ALOX5: variants seen among roughly 807,000 people sequenced by gnomAD.
The protein encoded by ALOX5 is arachidonate 5-lipoxygenase, also known as polyunsaturated fatty acid 5-lipoxygenase.
Under a neutral mutation model 87.9 loss-of-function variants are expected in ALOX5, and 64 were observed. That is an observed-to-expected ratio of 0.73 (90% CI 0.60 to 0.90). The LOEUF is 0.90. Ranked by LOEUF, ALOX5 falls within the 40% of genes least tolerant of loss-of-function variation. The pLI is 0.00. For missense variants in ALOX5, 822 were observed against 907.5 expected (o/e 0.91, Z 1.21); for synonymous variants, 388 against 355.1 (o/e 1.09, Z -1.04).
Position 45,397,472 on chromosome 10 carries a change from A to G in ALOX5, c.431+1536A>G, listed in dbSNP as rs11239510. ...CAGGATAAAGATGTTCACTTTTGCTACTTCTATTCAACATTGTACTGGAGG... is the reference window on the plus strand; with the variant it reads ...CAGGATAAAGATGTTCACTTTTGCTGCTTCTATTCAACATTGTACTGGAGG... On this transcript the variant is annotated intron_variant, in intron 3 of 13. Coordinates refer to ENST00000374391, the MANE Select transcript of ALOX5 (RefSeq NM_000698.5). Among the ~76,000 whole-genome samples, 733 of 152,360 alleles carry G rather than the reference A, an allele frequency of 4.8e-3. 2 individuals are homozygous for G. The highest frequency in any genetic ancestry group is 0.017 in the African/African-American group (695 of 41,578).
chr10:45,391,105 C>T (rs1363391240), intron 2 of ALOX5, among the ~76,000 whole-genome samples: 1 of 146,082 alleles, frequency 6.8e-6, no homozygotes, highest in East Asian at 2.1e-4. Flanking sequence ...CCACGGTCTC[C>T]CTCTCCCTCT....
In ALOX5 at chr10:45,437,214, G is replaced by A. The variant is rs565786347; in HGVS notation, c.982-3216G>A. ...TTAAAAATACAAAAATTAGCCAGGTGTGGTAACACCTGCCTGTAATCCCAG... is the reference window on the plus strand; with the variant it reads ...TTAAAAATACAAAAATTAGCCAGGTATGGTAACACCTGCCTGTAATCCCAG... On this transcript the variant is annotated intron_variant, in intron 7 of 13. Coordinates refer to ENST00000374391, the MANE Select transcript of ALOX5 (RefSeq NM_000698.5). Among the ~76,000 whole-genome samples, 109 of 152,320 alleles carry A rather than the reference G, an allele frequency of 7.2e-4. 4 individuals are homozygous for A. The South Asian group carries it at 0.022, about 30-fold the overall frequency.
At chr10:45,428,086 C>A (rs752929641) in intron 6 of ALOX5, among the ~76,000 whole-genome samples, 75 of 151,346 alleles carry the variant, frequency 5.0e-4, no homozygotes, top group Admixed American at 1.6e-3. Context: ...CCCCCCTCAA[C>A]CCCTGTAGAG....
At chr10:45,409,497 C>G (rs1840988385) in intron 3 of ALOX5, among the ~76,000 whole-genome samples, 1 of 141,948 alleles carries the variant, frequency 7.0e-6, no homozygotes, top group Non-Finnish European at 1.5e-5. Context: ...CTTAGGATCT[C>G]TCTGTCTGTC....
chr10:45,422,733 T>G (rs1363593671), intron 4 of ALOX5, among the ~76,000 whole-genome samples: 1 of 152,154 alleles, frequency 6.6e-6, no homozygotes, highest in Non-Finnish European at 1.5e-5. Context: ...ATACACCCCA[T>G]GTGCGCAGTA....
intron 9 of ALOX5, 144 bp downstream of exon 9, chr10:45,441,574 C>T: frequency 1.3e-6 from 1 of 759,318 alleles, no homozygotes; most frequent in Non-Finnish European, 2.1e-6. Flanking sequence ...CAGCATCCTC[C>T]TGATGTCTCC....
chr10:45,393,149 A>G (rs558181752), intron 2 of ALOX5, among the ~76,000 whole-genome samples: 1 of 151,940 alleles, frequency 6.6e-6, no homozygotes, highest in Admixed American at 6.5e-5. Context: ...ATACACACAC[A>G]AAAAAAACAA....
intron 3 of ALOX5, among the ~76,000 whole-genome samples, chr10:45,403,302 A>G (rs1840766412): frequency 1.3e-5 from 2 of 152,246 alleles, no homozygotes; most frequent in Admixed American, 6.5e-5. Flanking sequence ...TGCTGCTAAC[A>G]TGGACAAACC....
chr10:45,392,493 C>T (rs1588994552), intron 2 of ALOX5, among the ~76,000 whole-genome samples: 1 of 151,596 alleles, frequency 6.6e-6, no homozygotes, highest in Admixed American at 6.6e-5. Context: ...CTTTGTTAAA[C>T]AGATGCTTGA....
chr10:45,428,060 C>T (rs999356971), intron 6 of ALOX5, among the ~76,000 whole-genome samples: 2 of 151,428 alleles, frequency 1.3e-5, no homozygotes, highest in East Asian at 3.9e-4. Context: ...CGCAGACCTT[C>T]CCTACCTCCT....
chr10:45,402,987 G>A (rs1454563370), intron 3 of ALOX5, among the ~76,000 whole-genome samples: 2 of 152,152 alleles, frequency 1.3e-5, no homozygotes, highest in Non-Finnish European at 2.9e-5. Flanking sequence ...TTCAACAACT[G>A]ACAACACCTG....
intron 3 of ALOX5, among the ~76,000 whole-genome samples, chr10:45,401,912 C>A (rs1476345258): frequency 1.3e-5 from 2 of 151,936 alleles, no homozygotes; most frequent in Non-Finnish European, 2.9e-5. Context: ...CGGTGAAACC[C>A]CGTCTCTACT....
intron 2 of ALOX5, among the ~76,000 whole-genome samples, chr10:45,395,571 G>A (rs536773329): frequency 5.9e-5 from 9 of 151,508 alleles, no homozygotes; most frequent in East Asian, 1.9e-4. Context: ...AAACCTGCAC[G>A]TTGTGCACAT....
At chr10:45,387,859 C>T (rs998006449) in intron 2 of ALOX5, among the ~76,000 whole-genome samples, 15 of 152,224 alleles carry the variant, frequency 9.9e-5, no homozygotes, top group Non-Finnish European at 2.1e-4. Context: ...CTCCAGTCTA[C>T]AGCTCCCAAC....
At chr10:45,412,144 C>G in intron 3 of ALOX5, 47 bp from the exon 4 acceptor site, 1 of 1,612,366 alleles carries the variant, frequency 6.2e-7, no homozygotes, top group Non-Finnish European at 8.5e-7. Flanking sequence ...AGGGGGCAGA[C>G]CAAAGGCTGG....
At chr10:45,404,563 C>T (rs1393432136) in intron 3 of ALOX5, among the ~76,000 whole-genome samples, 1 of 152,246 alleles carries the variant, frequency 6.6e-6, no homozygotes, top group African/African-American at 2.4e-5. Context: ...GCACTTTTCA[C>T]TCATCACTAA....
rs1025921734 is a variant in ALOX5, at chr10:45,445,625, A to G, written c.1963A>G (p.Lys655Glu). Residue 655 changes from lysine to glutamate, a missense_variant, in exon 14 of 14, where the codon AAG becomes GAG. Coordinates refer to ENST00000374391, the MANE Select transcript of ALOX5 (RefSeq NM_000698.5). ...CAGCGTGATTGCTGAGCGCAACAAG[A>G]AGAAGCAGCTGCCATATTACTACTT... ...IVSVIAERNK[K>E]KQLPYYYLSP... 3.1e-6 allele frequency: 5 copies of G among 1,614,152 alleles called. No individual in the cohort carries two copies. Among genetic ancestry groups the G allele is most frequent in the Non-Finnish European group, 4.2e-6 (5 of 1,180,016 alleles).
intron 3 of ALOX5, among the ~76,000 whole-genome samples, chr10:45,396,188 A>G (rs1391423486): frequency 1.3e-5 from 2 of 152,184 alleles, no homozygotes; most frequent in Non-Finnish European, 2.9e-5. Flanking sequence ...ATGGGCAGAA[A>G]AGCTTGAGTG....
chr10:45,408,092 T>C (rs778192565), intron 3 of ALOX5, among the ~76,000 whole-genome samples: 1 of 152,206 alleles, frequency 6.6e-6, no homozygotes, highest in Non-Finnish European at 1.5e-5. Context: ...CATATATTAC[T>C]CTCTCTCCTT....
Sources: allele counts gnomAD v4.1 joint callset (sites outside exome capture counted in the v4.1 genomes callset), GRCh38; gene constraint gnomAD v4.1.1; transcripts MANE v1.5; gene names NCBI Gene and HGNC (gene_info 2026-07-23, HGNC 2026-07-21).